The following DLG2 variants were observed in gnomAD, a reference collection of about 807,000 sequenced individuals.
The protein encoded by DLG2 is disks large homolog 2.
Under a neutral mutation model 132.5 loss-of-function variants are expected in DLG2, and 45 were observed. The ratio of observed to expected loss-of-function variants is 0.34; its 90% confidence interval spans 0.27 to 0.44. The LOEUF (loss-of-function observed/expected upper bound fraction) is 0.44, where lower values mean the gene tolerates loss of function less well. Among genes scored for constraint, DLG2 ranks in the 20% least tolerant of loss-of-function variants. DLG2 has a pLI of 1.00. For synonymous variants in DLG2, 424 were observed against 419.6 expected (o/e 1.01, Z -0.13); for missense variants, 1,045 against 1,196.9 (o/e 0.87, Z 1.87).
At chr11:84,044,838 A>C (rs2096203716) in intron 11 of DLG2, among the ~76,000 whole-genome samples, 1 of 151,662 alleles carries the variant, frequency 6.6e-6, no homozygotes, top group East Asian at 1.9e-4. Flanking sequence ...AAGTCTTAGG[A>C]TTTTGTCAAT....
At chr11:84,884,571 C>T (rs1242445949) in intron 6 of DLG2, among the ~76,000 whole-genome samples, 1 of 152,082 alleles carries the variant, frequency 6.6e-6, no homozygotes, top group Non-Finnish European at 1.5e-5. Flanking sequence ...CTTGATTGGA[C>T]AACTTTGACT....
chr11:83,965,732 AG>A (rs2090033264), intron 12 of DLG2, among the ~76,000 whole-genome samples: 1 of 151,964 alleles, frequency 6.6e-6, no homozygotes, highest in Non-Finnish European at 1.5e-5. Context: ...GAAAATAAGG[AG>A]TCAAATGCCT....
chr11:85,142,696 G>A (rs944468688), intron 5 of DLG2, among the ~76,000 whole-genome samples: 1 of 151,744 alleles, frequency 6.6e-6, no homozygotes, highest in Non-Finnish European at 1.5e-5. Flanking sequence ...CTGTGTAGGA[G>A]TCTAGCATAC....
intron 6 of DLG2, among the ~76,000 whole-genome samples, chr11:84,761,464 G>A (rs747664722): frequency 7.9e-5 from 12 of 152,120 alleles, no homozygotes; most frequent in South Asian, 6.2e-4. Flanking sequence ...ATTAACATTC[G>A]TGTCAGTGGA....
chr11:84,169,210 A>C (rs2095753930), intron 8 of DLG2, among the ~76,000 whole-genome samples: 1 of 152,176 alleles, frequency 6.6e-6, no homozygotes, highest in Non-Finnish European at 1.5e-5. Context: ...TAAGTGATTA[A>C]AGAAATTTTA....
At chr11:84,073,914 C>G (rs1380063366) in intron 10 of DLG2, among the ~76,000 whole-genome samples, 1 of 152,062 alleles carries the variant, frequency 6.6e-6, no homozygotes, top group African/African-American at 2.4e-5. Flanking sequence ...TATACGTACG[C>G]AGGGAAAATA....
At chr11:84,150,359 G>T (rs547147693) in intron 9 of DLG2, among the ~76,000 whole-genome samples, 35 of 152,118 alleles carry the variant, frequency 2.3e-4, no homozygotes, top group Admixed American at 9.2e-4. Context: ...ATTGTTATTT[G>T]GCTCTCAGCT....
At chr11:84,326,029 C>T (rs1438523241) in intron 7 of DLG2, among the ~76,000 whole-genome samples, 1 of 151,992 alleles carries the variant, frequency 6.6e-6, no homozygotes, top group Non-Finnish European at 1.5e-5. Context: ...ACTTTTCATA[C>T]AAGTGTTCCC....
chr11:85,034,549 GA>G (rs1291176764), intron 6 of DLG2, among the ~76,000 whole-genome samples: 1 of 152,178 alleles, frequency 6.6e-6, no homozygotes, highest in Non-Finnish European at 1.5e-5. Context: ...ATGCCAAGGA[GA>G]AAGAAGTCGA....
intron 4 of DLG2, among the ~76,000 whole-genome samples, chr11:85,170,263 G>A (rs1023138252): frequency 6.6e-6 from 1 of 152,106 alleles, no homozygotes; most frequent in African/African-American, 2.4e-5. Flanking sequence ...CTTCAGTAAG[G>A]CCTGTTTGTT....
chr11:83,609,974 G>A (rs1278566519), intron 19 of DLG2, among the ~76,000 whole-genome samples: 1 of 152,164 alleles, frequency 6.6e-6, no homozygotes, highest in African/African-American at 2.4e-5. Context: ...GTCCTTTTGG[G>A]AAAGCTGAGA....
intron 5 of DLG2, among the ~76,000 whole-genome samples, 180 bp downstream of exon 5, chr11:85,154,376 G>A (rs542328915): frequency 1.3e-5 from 2 of 152,136 alleles, no homozygotes; most frequent in Non-Finnish European, 2.9e-5. Flanking sequence ...ACTACTCAAC[G>A]TGATACACAT....
intron 6 of DLG2, among the ~76,000 whole-genome samples, chr11:84,678,845 AT>A (rs2153703665): frequency 6.6e-6 from 1 of 152,140 alleles, no homozygotes; most frequent in African/African-American, 2.4e-5. Context: ...GACTTAGGTA[AT>A]TTATTTAAAT....
At chr11:85,033,152 A>C (rs558249114) in intron 6 of DLG2, among the ~76,000 whole-genome samples, 2 of 152,348 alleles carry the variant, frequency 1.3e-5, no homozygotes, top group South Asian at 4.1e-4. Flanking sequence ...ACTGTGAATA[A>C]GATTATAAAA....
At chr11:84,743,623 T>C (rs2064975136) in intron 6 of DLG2, among the ~76,000 whole-genome samples, 1 of 152,312 alleles carries the variant, frequency 6.6e-6, no homozygotes, top group East Asian at 1.9e-4. Context: ...AGTTGACAGT[T>C]AATATATACA....
At chr11:83,560,920 G>T (rs1360792318) in intron 19 of DLG2, among the ~76,000 whole-genome samples, 2 of 152,150 alleles carry the variant, frequency 1.3e-5, no homozygotes, top group Non-Finnish European at 2.9e-5. Context: ...TAAGAAAAGA[G>T]AATTAATTGG....
intron 9 of DLG2, among the ~76,000 whole-genome samples, chr11:84,122,790 C>T (rs1000776039): frequency 1.3e-5 from 2 of 151,912 alleles, no homozygotes; most frequent in Non-Finnish European, 2.9e-5. Flanking sequence ...TTTATAATCT[C>T]GTGGTATTCA....
intron 6 of DLG2, among the ~76,000 whole-genome samples, chr11:85,090,482 C>T (rs912115110): frequency 1.3e-5 from 2 of 152,194 alleles, no homozygotes; most frequent in Admixed American, 1.3e-4. Flanking sequence ...CCACCATAAA[C>T]ATACACATGC....
intron 4 of DLG2, among the ~76,000 whole-genome samples, chr11:85,167,350 A>C (rs1015355773): frequency 5.3e-5 from 8 of 152,120 alleles, no homozygotes; most frequent in African/African-American, 1.9e-4. Flanking sequence ...CATACAAAAG[A>C]AATGTTACAA....
Sources: allele counts gnomAD v4.1 joint callset (sites outside exome capture counted in the v4.1 genomes callset), GRCh38; gene constraint gnomAD v4.1.1; transcripts MANE v1.5; gene names NCBI Gene and HGNC (gene_info 2026-07-23, HGNC 2026-07-21).